Variants in RPTOR observed in about 807,000 individuals in gnomAD.
RPTOR encodes the protein regulatory-associated protein of mTOR.
RPTOR carries 21 observed loss-of-function variants against 169.9 expected under a neutral mutation model. The ratio of observed to expected loss-of-function variants is 0.12; its 90% CI spans 0.09 to 0.18. RPTOR has a LOEUF of 0.18. Ranked by LOEUF, RPTOR falls within the 10% of genes least tolerant of loss-of-function variation. The pLI, the probability that RPTOR is intolerant of heterozygous loss-of-function variation, is 1.00. For missense variants in RPTOR, 1,133 were observed against 1,855.9 expected, an observed-to-expected ratio of 0.61 and a Z score of 7.16; for synonymous variants, 732 against 753.2, an observed-to-expected ratio of 0.97 and a Z score of 0.46.
intron 13 of RPTOR, among the ~76,000 whole-genome samples, chr17:80,866,318 T>C (rs927668778): frequency 2.0e-5 from 3 of 152,054 alleles, no homozygotes; most frequent in Non-Finnish European, 2.9e-5. Context: ...GAGGGGAGTG[T>C]GTAGCAGCTG....
At chr17:80,875,706 T>C (rs954387981) in intron 13 of RPTOR, among the ~76,000 whole-genome samples, 7 of 151,798 alleles carry the variant, frequency 4.6e-5, no homozygotes, top group African/African-American at 1.7e-4. Context: ...GTGTGTCGCC[T>C]GCCGGGTCTT....
At chr17:80,748,569 G>A (rs2066601008) in intron 5 of RPTOR, among the ~76,000 whole-genome samples, 1 of 114,228 alleles carries the variant, frequency 8.8e-6, no homozygotes. Flanking sequence ...GAGGGGCTGC[G>A]GTGTGTGTTT....
intron 9 of RPTOR, among the ~76,000 whole-genome samples, chr17:80,833,990 A>AAAAAC (rs534974466): frequency 2.6e-5 from 4 of 152,262 alleles, no homozygotes; most frequent in South Asian, 2.1e-4. Flanking sequence ...CTCCGTCTCA[A>AAAAAC]AAAACAAAAC....
At chr17:80,704,179 C>G (rs566830874) in intron 3 of RPTOR, among the ~76,000 whole-genome samples, 7 of 152,300 alleles carry the variant, frequency 4.6e-5, no homozygotes, top group African/African-American at 1.7e-4. Flanking sequence ...CTACTTCAGA[C>G]TTATTTTCTA....
chr17:80,840,595 C>T (rs1280588063), intron 10 of RPTOR, among the ~76,000 whole-genome samples: 2 of 101,556 alleles, frequency 2.0e-5, no homozygotes, highest in African/African-American at 3.5e-5. Context: ...ACATTCACCG[C>T]ACGGCAGCTC....
intron 5 of RPTOR, among the ~76,000 whole-genome samples, chr17:80,731,714 A>G (rs553772282): frequency 1.3e-5 from 2 of 152,266 alleles, no homozygotes; most frequent in South Asian, 2.1e-4. Flanking sequence ...GAAATTCTCA[A>G]TTTAGGAGCA....
intron 13 of RPTOR, among the ~76,000 whole-genome samples, chr17:80,875,506 T>G (rs910353640): frequency 1.3e-5 from 2 of 152,190 alleles, no homozygotes; most frequent in Non-Finnish European, 2.9e-5. Context: ...ATGTTCATGC[T>G]CTTCCCACCT....
intron 4 of RPTOR, among the ~76,000 whole-genome samples, chr17:80,727,801 A>C (rs1002278334): frequency 2.2e-4 from 33 of 152,290 alleles, no homozygotes; most frequent in Non-Finnish European, 3.8e-4. Context: ...GTACAAATGC[A>C]AGTATTTCTA....
rs34206260 is a variant in RPTOR at position 80,878,042 on chromosome 17, T to C, written c.1510-2373T>C. Among the ~76,000 whole-genome samples the C allele has an allele frequency of 0.23, 34,511 of 152,230 alleles. 4,151 individuals are homozygous for C. The highest frequency in any genetic ancestry group is 0.39 in the East Asian group (2,025 of 5,156). On this transcript the variant is annotated intron_variant, in intron 13 of 33. Coordinates refer to ENST00000306801, the MANE Select transcript of RPTOR (RefSeq NM_020761.3). The surrounding 1 kb of genome is among the most constrained non-coding windows in gnomAD (Gnocchi z 4.1). ...CCTGCCTCAGTGGGAAAGGGCCAGC[T>C]GTGCAGGGCTGCACTGGAGAGCCGT...
rs2068362500 is a variant in RPTOR, at chr17:80,893,688, C to T, written c.2243-19C>T. ...AGGGTCCCGGGAGCACCCCACTGAC[C>T]CCGTTGCGTCTCGGGCAGCTGGTGG... On this transcript the variant is annotated intron_variant, in intron 19 of 33. Coordinates refer to ENST00000306801, the MANE Select transcript of RPTOR (RefSeq NM_020761.3). The T allele has an allele frequency of 6.2e-7, 1 of 1,605,398 alleles. No homozygotes were observed. Among genetic ancestry groups the T allele is most frequent in the Non-Finnish European group, 8.5e-7 (1 of 1,175,806 alleles).
chr17:80,601,410 CAG>C (rs1005980817), intron 1 of RPTOR, among the ~76,000 whole-genome samples: 2 of 63,428 alleles, frequency 3.2e-5, no homozygotes, highest in African/African-American at 7.6e-5. Context: ...TCCCACATCT[CAG>C]GGGCACGCAG....
At chr17:80,842,920 C>G (rs1398411952) in intron 10 of RPTOR, among the ~76,000 whole-genome samples, 1 of 152,206 alleles carries the variant, frequency 6.6e-6, no homozygotes, top group Non-Finnish European at 1.5e-5. Flanking sequence ...GGGCCATGTT[C>G]ACATGGCTGC....
At chr17:80,673,014 C>A (rs1337546599) in intron 3 of RPTOR, among the ~76,000 whole-genome samples, 1 of 152,060 alleles carries the variant, frequency 6.6e-6, no homozygotes, top group East Asian at 1.9e-4. Flanking sequence ...GCAACCTCCA[C>A]CTCCCGGGTT....
chr17:80,624,383 A>T (rs149035747), intron 1 of RPTOR, among the ~76,000 whole-genome samples: 3 of 152,380 alleles, frequency 2.0e-5, no homozygotes, highest in Non-Finnish European at 4.4e-5. Context: ...AATTTTAATA[A>T]AAATCCCAAT....
chr17:80,648,603 A>G (rs1348686408), intron 3 of RPTOR, among the ~76,000 whole-genome samples: 1 of 152,024 alleles, frequency 6.6e-6, no homozygotes, highest in East Asian at 1.9e-4. Flanking sequence ...GGCTTCTAAG[A>G]TCCACTTGTC....
At chr17:80,574,258 G>T (rs1194616500) in intron 1 of RPTOR, among the ~76,000 whole-genome samples, 1 of 147,338 alleles carries the variant, frequency 6.8e-6, no homozygotes, top group Non-Finnish European at 1.5e-5. Context: ...TCCGCTTCCC[G>T]GGTTCACGCC....
intron 1 of RPTOR, among the ~76,000 whole-genome samples, chr17:80,551,887 G>A (rs887267108): frequency 1.3e-5 from 2 of 152,170 alleles, no homozygotes; most frequent in South Asian, 2.1e-4. Context: ...CTTCCGCAGT[G>A]TTTGTGTCCC....
intron 17 of RPTOR, among the ~76,000 whole-genome samples, chr17:80,888,403 C>T (rs550716397): frequency 9.8e-5 from 15 of 152,364 alleles, no homozygotes; most frequent in South Asian, 6.2e-4. Context: ...CTTCCCAGGA[C>T]GCTGCTCGGG....
At chr17:80,921,952 C>T (rs965250161) in intron 21 of RPTOR, among the ~76,000 whole-genome samples, 2 of 152,194 alleles carry the variant, frequency 1.3e-5, no homozygotes, top group East Asian at 1.9e-4. Context: ...GACCACAGCC[C>T]CTCGGCCAGG....
Sources: gnomAD v4.1 joint callset for allele counts (sites outside exome capture counted in the v4.1 genomes callset) on GRCh38, gnomAD v4.1.1 for gene constraint, Gnocchi (gnomAD v3.1) non-coding constraint, MANE v1.5 for transcripts, NCBI Gene and HGNC (gene_info 2026-07-23, HGNC 2026-07-21) for gene names.